The following CSMD1 variants were observed in gnomAD, a reference collection of about 807,000 sequenced individuals.
The protein encoded by CSMD1 is CUB and Sushi multiple domains 1.
Under a neutral mutation model 417.5 loss-of-function variants are expected in CSMD1, and 213 were observed. The ratio of observed to expected loss-of-function variants is 0.51; its 90% CI spans 0.46 to 0.57. The LOEUF (loss-of-function observed/expected upper bound fraction) is 0.57. Ranked by LOEUF, CSMD1 falls within the 20% of genes least tolerant of loss-of-function variation. The probability of loss-of-function intolerance (pLI) is 0.00; values close to 1 mark genes in which losing one functional copy is unlikely to be tolerated. For synonymous variants in CSMD1, 2,862 were observed against 1,736.8 expected (o/e 1.65, Z -16.11); for missense variants, 6,923 against 4,529.7 (o/e 1.53, Z -15.17).
At chr8:3,132,844 C>G (rs1055855212) in intron 41 of CSMD1, among the ~76,000 whole-genome samples, 28 of 152,180 alleles carry the variant, frequency 1.8e-4, no homozygotes, top group Non-Finnish European at 3.7e-4. Context: ...GCTCCAACTT[C>G]TTGCCCTTTA....
intron 2 of CSMD1, among the ~76,000 whole-genome samples, chr8:4,469,972 A>C (rs1554490035): frequency 6.6e-6 from 1 of 151,318 alleles, no homozygotes; most frequent in Non-Finnish European, 1.5e-5. Flanking sequence ...GATTCACACC[A>C]TCATCCTGCC....
intron 12 of CSMD1, among the ~76,000 whole-genome samples, chr8:3,463,036 C>T (rs1036166978): frequency 6.6e-6 from 1 of 152,198 alleles, no homozygotes; most frequent in African/African-American, 2.4e-5. Context: ...AACCAGGAAA[C>T]GGTCCTCACC....
At chr8:3,526,633 G>A (rs934643357) in intron 10 of CSMD1, among the ~76,000 whole-genome samples, 3 of 152,066 alleles carry the variant, frequency 2.0e-5, no homozygotes, top group African/African-American at 7.2e-5. Flanking sequence ...TTTTTCCAAG[G>A]TACCTTCCCG....
intron 2 of CSMD1, among the ~76,000 whole-genome samples, chr8:4,600,265 G>T (rs1298625011): frequency 6.6e-6 from 1 of 152,068 alleles, no homozygotes. Flanking sequence ...TCTGACACTG[G>T]ATTTGACTTC....
intron 42 of CSMD1, among the ~76,000 whole-genome samples, chr8:3,110,542 G>C (rs1369363360): frequency 1.3e-5 from 2 of 152,146 alleles, no homozygotes; most frequent in African/African-American, 4.8e-5. Context: ...AATTATCTCA[G>C]TTTTATTTAA....
At chr8:4,491,771 G>A (rs1801715549) in intron 2 of CSMD1, among the ~76,000 whole-genome samples, 1 of 152,134 alleles carries the variant, frequency 6.6e-6, no homozygotes, top group African/African-American at 2.4e-5. Context: ...CACTGCTGGT[G>A]GGAACGCAGA....
chr8:3,587,078 G>A (rs1281727445), intron 8 of CSMD1, among the ~76,000 whole-genome samples: 2 of 152,192 alleles, frequency 1.3e-5, no homozygotes, highest in Non-Finnish European at 2.9e-5. Flanking sequence ...AGGATTACAG[G>A]CGTGAGCCAC....
chr8:3,248,671 TG>T (rs200420170), intron 26 of CSMD1, among the ~76,000 whole-genome samples: 2 of 152,026 alleles, frequency 1.3e-5, no homozygotes, highest in Non-Finnish European at 2.9e-5. Context: ...ATACTTGATT[TG>T]TTTTTATTTC....
At chr8:4,341,246 G>C (rs1406595870) in intron 3 of CSMD1, among the ~76,000 whole-genome samples, 2 of 152,040 alleles carry the variant, frequency 1.3e-5, no homozygotes, top group African/African-American at 4.8e-5. Context: ...CTGTTTTCCA[G>C]TATTTTTCAG....
chr8:4,626,876 T>G (rs748650752), intron 2 of CSMD1, among the ~76,000 whole-genome samples: 24 of 152,184 alleles, frequency 1.6e-4, no homozygotes, highest in Non-Finnish European at 2.5e-4. Flanking sequence ...GAAAATCAAG[T>G]GAAATACTTG....
chr8:2,961,320 T>C (rs1803459911), intron 61 of CSMD1, 106 bp from the exon 62 acceptor site: 1 of 544,490 alleles, frequency 1.8e-6, no homozygotes, highest in Non-Finnish European at 3.2e-6. Flanking sequence ...AATATTGTTT[T>C]GAGAAATGTG....
chr8:3,933,344 T>G (rs183059373), intron 5 of CSMD1, among the ~76,000 whole-genome samples: 1 of 152,340 alleles, frequency 6.6e-6, no homozygotes, highest in East Asian at 1.9e-4. Context: ...CTTGAACCAT[T>G]AAGCTGTTTT....
intron 69 of CSMD1, 122 bp downstream of exon 69, chr8:2,942,350 A>T (rs1238931213): frequency 1.1e-6 from 1 of 926,766 alleles, no homozygotes; most frequent in Non-Finnish European, 1.5e-6. Flanking sequence ...TTTAAAAAAA[A>T]AAAAAGAACA....
intron 49 of CSMD1, among the ~76,000 whole-genome samples, chr8:3,079,545 T>C (rs906650448): frequency 6.6e-6 from 1 of 152,368 alleles, no homozygotes; most frequent in Non-Finnish European, 1.5e-5. Flanking sequence ...CTATGCTCTT[T>C]ATGTTCATAA....
rs181510443 is a variant in CSMD1, at chr8:4,864,393, G to T, written c.85+129939C>A. Among the ~76,000 whole-genome samples the T allele has an allele frequency of 2.5e-3, 375 of 151,922 alleles. 6 individuals carry two copies. Among genetic ancestry groups the T allele is most frequent in the Non-Finnish European group, 4.3e-3 (295 of 67,830 alleles). On this transcript the variant is annotated intron_variant, in intron 1 of 69. Coordinates refer to ENST00000635120, the MANE Select transcript of CSMD1 (RefSeq NM_033225.6). ...GTAAAAATGTATTTGTCTTTCAATGGTTTAAAAAATATCACTTCCTTACTT... is the reference window on the plus strand; with the variant it reads ...GTAAAAATGTATTTGTCTTTCAATGTTTTAAAAAATATCACTTCCTTACTT...
chr8:3,984,839 G>T (rs1442426504), intron 5 of CSMD1, among the ~76,000 whole-genome samples: 1 of 149,318 alleles, frequency 6.7e-6, no homozygotes, highest in Non-Finnish European at 1.5e-5. Flanking sequence ...AAGAGAAAAA[G>T]GAGCAAGAAG....
intron 12 of CSMD1, among the ~76,000 whole-genome samples, chr8:3,418,630 G>A (rs1253605793): frequency 6.6e-6 from 1 of 152,126 alleles, no homozygotes; most frequent in Non-Finnish European, 1.5e-5. Context: ...AGGTCTGTCT[G>A]CCATAACCTG....
intron 3 of CSMD1, among the ~76,000 whole-genome samples, chr8:4,242,474 A>G (rs1326069382): frequency 6.6e-6 from 1 of 152,244 alleles, no homozygotes. Context: ...AGCATAAATT[A>G]GCAGAGACTT....
chr8:3,616,182 G>A (rs1802127199), intron 8 of CSMD1, among the ~76,000 whole-genome samples: 1 of 152,130 alleles, frequency 6.6e-6, no homozygotes, highest in African/African-American at 2.4e-5. Context: ...AATCTCATCT[G>A]GAACTGTAGC....
Sources: gnomAD v4.1 joint callset for allele counts (sites outside exome capture counted in the v4.1 genomes callset) on GRCh38, gnomAD v4.1.1 for gene constraint, MANE v1.5 for transcripts, NCBI Gene and HGNC (gene_info 2026-07-23, HGNC 2026-07-21) for gene names.